CSF2RA: variants seen among roughly 807,000 people sequenced by gnomAD.
CSF2RA encodes granulocyte-macrophage colony-stimulating factor receptor subunit alpha.
CSF2RA carries 42 observed loss-of-function variants against 51.6 expected under a neutral mutation model. That is an observed-to-expected ratio of 0.81 (90% CI 0.64 to 1.05). CSF2RA has a LOEUF of 1.05. CSF2RA is among the 50% of genes least tolerant of loss of function. The pLI, the probability that CSF2RA is intolerant of heterozygous loss-of-function variation, is 0.00. For synonymous variants in CSF2RA, 222 were observed against 193.0 expected (o/e 1.15, Z -1.24); for missense variants, 530 against 501.1 (o/e 1.06, Z -0.55).
intron 1 of CSF2RA, among the ~76,000 whole-genome samples, chrX:1,271,827 C>G (rs1320158030): frequency 6.6e-6 from 1 of 152,060 alleles, no homozygotes; most frequent in African/African-American, 2.4e-5. Flanking sequence ...GGATTTCACT[C>G]TTTAGATTTT....
chrX:1,305,760 G>C (rs1569511982), intron 12 of CSF2RA: 6 of 1,551,648 alleles, frequency 3.9e-6, no homozygotes, highest in Non-Finnish European at 5.2e-6. Context: ...AACTGAGGCA[G>C]GGTGGTGGTC....
chrX:1,303,872 C>A, intron 10 of CSF2RA, 51 bp from the exon 11 acceptor site: 1 of 1,442,928 alleles, frequency 6.9e-7, no homozygotes, highest in Non-Finnish European at 9.8e-7. Context: ...AATTTCCTTT[C>A]ACATGTCCGT....
intron 1 of CSF2RA, among the ~76,000 whole-genome samples, chrX:1,274,291 AG>A (rs1469201804): frequency 2.4e-4 from 37 of 152,010 alleles, no homozygotes; most frequent in African/African-American, 8.9e-4. Context: ...GTGGATACAC[AG>A]GGCACAATTT....
intron 2 of CSF2RA, among the ~76,000 whole-genome samples, chrX:1,277,467 G>C (rs758435018): frequency 6.7e-6 from 1 of 149,528 alleles, no homozygotes; most frequent in Non-Finnish European, 1.5e-5. Flanking sequence ...GTGGTGGTGC[G>C]TGCCTGTAGT....
At position 1,309,624 on chromosome X, in the gene CSF2RA, C is replaced by A. The variant is rs750257726; in HGVS notation, c.*145C>A. The A allele has an allele frequency of 6.3e-6, 10 of 1,598,724 alleles. No homozygotes were observed. In the African/African-American group the frequency reaches 1.2e-4, roughly 19 times the overall value. On this transcript the variant is annotated 3_prime_UTR_variant, in exon 13 of 13. Coordinates refer to ENST00000381529, the MANE Select transcript of CSF2RA (RefSeq NM_172245.4). ...ATTTGGGGCCAGGCGCGGTGGCTCA[C>A]GCCTGTAATCCCAGCACTTTGGGAG...
chrX:1,305,496 A>C lies in CSF2RA; in HGVS notation c.1094A>C (p.Lys365Thr). Residue 365 changes from lysine to threonine, a missense_variant, in exon 12 of 13, where the codon AAA (lysine) becomes ACA (threonine). Physicochemically the swap from Lys to Thr is moderately conservative, Grantham distance 78. Transcript: ENST00000381529. ...LFPPVPQIKD[K>T]LNDNHEVEDE... ...CCGCCAGTTCCACAGATCAAAGACA[A>C]ACTGAATGATAACCATGAGGTGGAA... 6.2e-7 allele frequency: 1 copy of C among 1,613,936 alleles called. No homozygotes were observed. The highest frequency in any genetic ancestry group is 8.5e-7 in the Non-Finnish European group (1 of 1,179,860).
chrX:1,277,593 CAA>C (rs749833246), intron 2 of CSF2RA, among the ~76,000 whole-genome samples: 21,589 of 69,462 alleles, frequency 0.31, 1,955 homozygotes, highest in Middle Eastern at 0.4. Flanking sequence ...AAGTCCATCT[CAA>C]AAAAAAAAAA....
At chrX:1,323,813 A>C in the CSF2RA span, among the ~76,000 whole-genome samples, 1 of 150,920 alleles carries the variant, frequency 6.6e-6, no homozygotes, top group Non-Finnish European at 1.5e-5. Flanking sequence ...AGGAGATCGA[A>C]ACCATCCTGG....
chrX:1,294,346 G>A lies in CSF2RA; in HGVS notation c.665G>A (p.Ser222Asn). 1 of 1,613,640 alleles carries A rather than the reference G, an allele frequency of 6.2e-7. No homozygotes were observed. Among genetic ancestry groups the A allele is most frequent in the East Asian group, 2.2e-5 (1 of 44,860 alleles). Reference sequence around the variant, plus strand: ...GTTACAGAACGATTCAACCCTCCCAGCAATGTCACCGTACGTTGCAACACG... The same window carrying A: ...GTTACAGAACGATTCAACCCTCCCAACAATGTCACCGTACGTTGCAACACG... The part of the protein sequence containing the change: ...TKKIERFNPP[S>N]NVTVRCNTTH... Residue 222 changes from serine (S) to asparagine (N), a missense_variant, in exon 8 of 13, where the codon AGC (serine) becomes AAC (asparagine). Ser to Asn is a conservative substitution (Grantham distance 46, BLOSUM62 1). Transcript: ENST00000381529.
At chrX:1,272,438 T>C (rs1217157545) in intron 1 of CSF2RA, among the ~76,000 whole-genome samples, 95 of 151,246 alleles carry the variant, frequency 6.3e-4, no homozygotes, top group Non-Finnish European at 1.3e-3. Context: ...AGGAGCAATA[T>C]ATAATTTCTA....
At position 1,290,433 on chromosome X, in the gene CSF2RA, T is replaced by C; in HGVS notation, c.570T>C (p.Asn190=). The C allele has an allele frequency of 6.2e-7, 1 of 1,613,934 alleles. No individual in the cohort carries two copies. ...LDNLSGLTSR[N]YFLVNGTSRE... Reference sequence around the variant, plus strand: ...ACCTGTCAGGATTAACGTCTCGCAATTACTTTCTGGTTAACGGAACCAGCC... The same window carrying C: ...ACCTGTCAGGATTAACGTCTCGCAACTACTTTCTGGTTAACGGAACCAGCC... The change falls in exon 7 of 13, where the codon AAT becomes AAC. Residue 190 remains asparagine (N), a synonymous_variant. Coordinates refer to ENST00000381529, the MANE Select transcript of CSF2RA (RefSeq NM_172245.4).
chrX:1,319,838 C>A, the CSF2RA span, among the ~76,000 whole-genome samples: 1 of 149,782 alleles, frequency 6.7e-6, no homozygotes, highest in Non-Finnish European at 1.5e-5. Context: ...CCTCACCCTC[C>A]CGAGTAGCTG....
chrX:1,314,250 A>G (rs373815340), downstream of CSF2RA, among the ~76,000 whole-genome samples: 1,111 of 26,504 alleles, frequency 0.042, 24 homozygotes, highest in African/African-American at 0.075. Context: ...ACCCCACTGC[A>G]CCTGCCCAAC....
At chrX:1,296,156 C>T (rs183636270) in intron 9 of CSF2RA, among the ~76,000 whole-genome samples, 138 of 151,138 alleles carry the variant, frequency 9.1e-4, no homozygotes, top group Middle Eastern at 6.9e-3. Flanking sequence ...CTGGAGTAAC[C>T]CTACAGTCCC....
intron 10 of CSF2RA, among the ~76,000 whole-genome samples, chrX:1,301,817 A>G (rs1321180066): frequency 2.7e-5 from 4 of 149,662 alleles, no homozygotes; most frequent in South Asian, 2.1e-4. Flanking sequence ...TTTTTTAGCC[A>G]GGATGGTCTC....
chrX:1,291,119 A>C (rs2091350639), intron 7 of CSF2RA, among the ~76,000 whole-genome samples: 1 of 151,808 alleles, frequency 6.6e-6, no homozygotes, highest in Non-Finnish European at 1.5e-5. Flanking sequence ...GCAGTGTTTC[A>C]CCATCTTGGC....
intron 7 of CSF2RA, chrX:1,293,822 A>T (rs1221799785): frequency 8.9e-6 from 3 of 335,928 alleles, no homozygotes; most frequent in African/African-American, 7.9e-5. Flanking sequence ...TAGACAGGAG[A>T]AGACTCTGCA....
Position 1,303,906 on chromosome X carries a change from C to T in CSF2RA, c.947-17C>T. The T allele has an allele frequency of 1.2e-6, 2 of 1,602,958 alleles. No individual in the cohort carries two copies. Among genetic ancestry groups the T allele is most frequent in the Non-Finnish European group, 1.7e-6 (2 of 1,169,924 alleles). Reference sequence around the variant, plus strand: ...GTCAACGATTCACCGCAGACGCAAACCTGTGTGTCTCTCCAGGTTCTGACG... The same window carrying T: ...GTCAACGATTCACCGCAGACGCAAATCTGTGTGTCTCTCCAGGTTCTGACG... On this transcript the variant is annotated splice_polypyrimidine_tract_variant and intron_variant, in intron 10 of 12. Transcript: ENST00000381529.
chrX:1,304,078 G>A (rs2083289245), intron 11 of CSF2RA, 59 bp downstream of exon 11: 10 of 1,365,970 alleles, frequency 7.3e-6, no homozygotes, highest in South Asian at 2.3e-5. Context: ...GGAGGAAAGC[G>A]CTTTGTCCAG....
Sources: allele counts gnomAD v4.1 joint callset (sites outside exome capture counted in the v4.1 genomes callset), GRCh38; gene constraint gnomAD v4.1.1; transcripts MANE v1.5; gene names NCBI Gene and HGNC (gene_info 2026-07-23, HGNC 2026-07-21).